Variants in FAT4 observed in about 807,000 individuals in gnomAD.
FAT4 encodes the protein protocadherin Fat 4.
Under a neutral mutation model 303.9 loss-of-function variants are expected in FAT4, and 84 were observed. The observed-to-expected ratio is 0.28, with a 90% CI of 0.23 to 0.33. The LOEUF (loss-of-function observed/expected upper bound fraction) is 0.33. FAT4 is among the 10% of genes least tolerant of loss of function. The pLI is 1.00. For missense variants in FAT4, 6,005 were observed against 6,146.8 expected, an observed-to-expected ratio of 0.98 and a Z score of 0.77; for synonymous variants, 2,307 against 2,298.8, an observed-to-expected ratio of 1.00 and a Z score of -0.10.
intron 16 of FAT4, among the ~76,000 whole-genome samples, chr4:125,486,250 C>G (rs10009314): frequency 0.23 from 34,574 of 147,964 alleles, 4,138 homozygotes; most frequent in Admixed American, 0.25. Flanking sequence ...TGTCATTTAG[C>G]TAGAATTTTC....
At chr4:125,443,477 A>G (rs1725728904) in intron 8 of FAT4, among the ~76,000 whole-genome samples, 1 of 152,050 alleles carries the variant, frequency 6.6e-6, no homozygotes, top group Non-Finnish European at 1.5e-5. Flanking sequence ...AGTCATAAAG[A>G]CAGAAATTCA....
At chr4:125,446,765 G>A (rs915273347) in intron 9 of FAT4, among the ~76,000 whole-genome samples, 2 of 151,670 alleles carry the variant, frequency 1.3e-5, no homozygotes, top group African/African-American at 2.4e-5. Context: ...TTTTATAATT[G>A]TTATGTATTA....
rs1437740058 is a variant in FAT4, at chr4:125,415,144, G to A, written c.6181G>A (p.Glu2061Lys). The change falls in exon 6 of 18, where the codon GAA becomes AAA. Residue 2061 changes from glutamate to lysine, a missense_variant. By Grantham distance (56) the Glu-to-Lys change is moderately conservative. Coordinates refer to ENST00000394329, the MANE Select transcript of FAT4 (RefSeq NM_001291303.3). ...TTCCCCTAAATTGACATACATTCCA[G>A]AAAATACACCTATTGATACTGTTGT... ...FLSPKLTYIP[E>K]NTPIDTVVFK... 1 of 1,613,962 alleles carries A rather than the reference G, an allele frequency of 6.2e-7. No homozygotes were observed. The highest frequency in any genetic ancestry group is 8.5e-7 in the Non-Finnish European group (1 of 1,179,956).
At chr4:125,388,299 C>T (rs1045588742) in intron 2 of FAT4, among the ~76,000 whole-genome samples, 1 of 152,074 alleles carries the variant, frequency 6.6e-6, no homozygotes, top group Non-Finnish European at 1.5e-5. Flanking sequence ...ATTCAGTCTA[C>T]CGTAGTTTGT....
rs370660363 is a variant in FAT4, at chr4:125,316,692, C to A, written c.281C>A (p.Ser94Tyr). The A allele has an allele frequency of 1.2e-6, 2 of 1,613,574 alleles. No individual in the cohort carries two copies. Among genetic ancestry groups the A allele is most frequent in the African/African-American group, 1.3e-5 (1 of 74,926 alleles). ...NSSTGALYTT[S>Y]TIDRESLPSD... is the part of the protein sequence containing the mutation. ...AGCACCGGAGCCCTGTACACCACCTCCACCATCGACCGCGAGAGCCTGCCC... is the reference window on the plus strand; with the variant it reads ...AGCACCGGAGCCCTGTACACCACCTACACCATCGACCGCGAGAGCCTGCCC... Residue 94 changes from serine (S) to tyrosine (Y), a missense_variant, in exon 2 of 18, where the codon TCC becomes TAC. By Grantham distance (144) the Ser-to-Tyr change is moderately radical. Coordinates refer to ENST00000394329, the MANE Select transcript of FAT4 (RefSeq NM_001291303.3). The surrounding 1 kb of genome is among the most constrained non-coding windows in gnomAD (Gnocchi z 5.7).
intron 7 of FAT4, among the ~76,000 whole-genome samples, chr4:125,422,955 C>T (rs1172097019): frequency 6.6e-6 from 1 of 152,152 alleles, no homozygotes; most frequent in Non-Finnish European, 1.5e-5. Flanking sequence ...GAGCAAAGGT[C>T]ACTCTTGCTA....
intron 13 of FAT4, 119 bp downstream of exon 13, chr4:125,476,375 C>A: frequency 2.6e-6 from 1 of 390,386 alleles, no homozygotes; most frequent in South Asian, 8.3e-5. Flanking sequence ...ATTTTATTTC[C>A]CTCTCCAAAT....
intron 2 of FAT4, among the ~76,000 whole-genome samples, chr4:125,326,385 T>C (rs1175931327): frequency 6.6e-6 from 1 of 151,938 alleles, no homozygotes; most frequent in East Asian, 2.0e-4. Flanking sequence ...GGATATATAA[T>C]AACTGTTATT....
In FAT4 at chr4:125,416,538, G is replaced by A; in HGVS notation, c.6934G>A (p.Ala2312Thr). The A allele has an allele frequency of 1.2e-6, 2 of 1,614,010 alleles. No individual in the cohort carries two copies. Among genetic ancestry groups the A allele is most frequent in the Non-Finnish European group, 1.7e-6 (2 of 1,179,928 alleles). Residue 2312 changes from alanine to threonine, a missense_variant, in exon 7 of 18, where the codon GCC (alanine) becomes ACC (threonine). Ala to Thr is a moderately conservative substitution (Grantham distance 58). Coordinates refer to ENST00000394329, the MANE Select transcript of FAT4 (RefSeq NM_001291303.3). ...GNEDNAFTLS[A>T]SGELGVTQSL... ...TGAAGACAATGCTTTTACTCTCTCA[G>A]CCAGTGGAGAACTTGGAGTAACACA...
At position 125,316,677 on chromosome 4, in the gene FAT4, C is replaced by T. The variant is rs751432859; in HGVS notation, c.266C>T (p.Ala89Val). The change falls in exon 2 of 18, where the codon GCC (alanine) becomes GTC (valine). Residue 89 changes from alanine to valine, a missense_variant. Coordinates refer to ENST00000394329, the MANE Select transcript of FAT4 (RefSeq NM_001291303.3). This position sits in a 1 kb window ranked among gnomAD's most constrained non-coding sequence, Gnocchi z 5.7. ...TTTGCCATAAACAGTAGCACCGGAG[C>T]CCTGTACACCACCTCCACCATCGAC... The part of the protein sequence containing the change: ...ALFAINSSTG[A>V]LYTTSTIDRE... 6.2e-7 allele frequency: 1 copy of T among 1,613,598 alleles called. No homozygotes were observed. The highest frequency in any genetic ancestry group is 8.5e-7 in the Non-Finnish European group (1 of 1,180,022).
chr4:125,454,703 G>A (rs1285173863), intron 10 of FAT4, among the ~76,000 whole-genome samples: 1 of 152,036 alleles, frequency 6.6e-6, no homozygotes, highest in Non-Finnish European at 1.5e-5. Context: ...CGTGGTGGCA[G>A]GTGCCTGTAA....
intron 2 of FAT4, chr4:125,394,032 C>T (rs766262814): frequency 1.3e-6 from 1 of 775,520 alleles, no homozygotes; most frequent in East Asian, 2.4e-5. Context: ...CTACCAACTA[C>T]ATTTCTTCTA....
intron 5 of FAT4, among the ~76,000 whole-genome samples, chr4:125,409,089 A>G (rs748165597): frequency 2.0e-5 from 3 of 151,996 alleles, no homozygotes; most frequent in Non-Finnish European, 4.4e-5. Context: ...TCATAAGACC[A>G]CTTTTTTTTG....
At chr4:125,325,287 C>G (rs950720478) in intron 2 of FAT4, among the ~76,000 whole-genome samples, 1 of 151,964 alleles carries the variant, frequency 6.6e-6, no homozygotes, top group Non-Finnish European at 1.5e-5. Context: ...TTGATCATTT[C>G]AAAATTATTG....
rs753469438 is a variant in FAT4, at chr4:125,490,667, G to A, written c.13851G>A (p.Gln4617=). The part of the protein sequence containing the change: ...IPSAPLASPE[Q]EIEHYDIDNA... Reference sequence around the variant, plus strand: ...GCGCCCCTTTGGCATCTCCAGAGCAGGAGATAGAGCACTATGACATTGACA... The same window carrying A: ...GCGCCCCTTTGGCATCTCCAGAGCAAGAGATAGAGCACTATGACATTGACA... Residue 4617 remains glutamine, a synonymous_variant, in exon 18 of 18, where the codon CAG becomes CAA. Coordinates refer to ENST00000394329, the MANE Select transcript of FAT4 (RefSeq NM_001291303.3). The A allele has an allele frequency of 1.2e-5, 20 of 1,614,022 alleles. No homozygotes were observed. The South Asian group carries it at 2.1e-4, about 17-fold the overall frequency.
At position 125,450,500 on chromosome 4, in the gene FAT4, A is replaced by G. The variant is rs777262514; in HGVS notation, c.9490A>G (p.Met3164Val). 4 of 1,614,010 alleles carry G rather than the reference A, an allele frequency of 2.5e-6. No homozygotes were observed. The highest frequency in any genetic ancestry group is 3.4e-6 in the Non-Finnish European group (4 of 1,180,020). ...LDYELCQKHE[M>V]TISAIDGGWV... ...TTATGAGCTATGCCAGAAACACGAA[A>G]TGACGATTAGTGCTATAGATGGAGG... The change falls in exon 10 of 18, where the codon ATG becomes GTG. Residue 3164 changes from methionine (M) to valine (V), a missense_variant. Physicochemically the swap from Met to Val is conservative, Grantham distance 21. Transcript: ENST00000394329.
chr4:125,387,017 A>G (rs1733777983), intron 2 of FAT4, among the ~76,000 whole-genome samples: 1 of 152,124 alleles, frequency 6.6e-6, no homozygotes, highest in African/African-American at 2.4e-5. Context: ...TGCACCATTC[A>G]CAATAGGGTC....
At chr4:125,488,730 G>T (rs138493203) in intron 17 of FAT4, among the ~76,000 whole-genome samples, 57 of 152,228 alleles carry the variant, frequency 3.7e-4, no homozygotes, top group African/African-American at 1.1e-3. Context: ...TCCTTTGGAT[G>T]GATGGGCTGG....
intron 2 of FAT4, among the ~76,000 whole-genome samples, chr4:125,348,330 T>C (rs1165908821): frequency 6.6e-6 from 1 of 151,760 alleles, no homozygotes; most frequent in East Asian, 1.9e-4. Context: ...CACAACAAAA[T>C]AGTAGGGTGC....
Sources: gnomAD v4.1 joint callset for allele counts (sites outside exome capture counted in the v4.1 genomes callset) on GRCh38, gnomAD v4.1.1 for gene constraint, Gnocchi (gnomAD v3.1) non-coding constraint, MANE v1.5 for transcripts, NCBI Gene and HGNC (gene_info 2026-07-23, HGNC 2026-07-21) for gene names.